Variants in GRIK2 observed in about 807,000 individuals in gnomAD.
GRIK2 encodes the protein glutamate receptor ionotropic, kainate 2.
A neutral mutation model predicts 100.3 loss-of-function variants in GRIK2; 32 were observed. The observed-to-expected ratio is 0.32, with a 90% CI of 0.24 to 0.43. The LOEUF is 0.43. Ranked by LOEUF, GRIK2 falls within the 20% of genes least tolerant of loss-of-function variation. GRIK2 has a pLI of 1.00. For missense variants in GRIK2, 843 were observed against 1,114.9 expected, an observed-to-expected ratio of 0.76 and a Z score of 3.47; for synonymous variants, 417 against 389.4, an observed-to-expected ratio of 1.07 and a Z score of -0.83.
At chr6:101,425,159 A>G (rs1351579402) in intron 2 of GRIK2, among the ~76,000 whole-genome samples, 2 of 152,214 alleles carry the variant, frequency 1.3e-5, no homozygotes, top group Admixed American at 1.3e-4. Context: ...AGCATGTTTT[A>G]TAATCCTCTT....
intron 2 of GRIK2, among the ~76,000 whole-genome samples, chr6:101,620,583 G>A (rs907376441): frequency 1.3e-5 from 2 of 152,108 alleles, no homozygotes; most frequent in African/African-American, 4.8e-5. Flanking sequence ...TAATAGTATA[G>A]TCACCTGACA....
chr6:101,419,693 G>T (rs1582407693), intron 2 of GRIK2, among the ~76,000 whole-genome samples: 1 of 152,336 alleles, frequency 6.6e-6, no homozygotes, highest in East Asian at 1.9e-4. Flanking sequence ...GCTGAGAGAG[G>T]TTAAGTAATT....
Position 101,490,900 on chromosome 6 carries a change from C to T in GRIK2, c.115+91508C>T, listed in dbSNP as rs552236343. On this transcript the variant is annotated intron_variant, in intron 2 of 16. Transcript: ENST00000369134. ...TTTTCATTTCTGGTAATAAGGCAAA[C>T]TGGATGATGGAGGGAATAACAGACA... Among the ~76,000 whole-genome samples the T allele has an allele frequency of 1.4e-5, 2 of 145,952 alleles. 1 individual carries two copies. Among genetic ancestry groups the T allele is most frequent in the Non-Finnish European group, 3.0e-5 (2 of 66,364 alleles).
At chr6:101,677,367 G>A (rs189445941) in intron 5 of GRIK2, among the ~76,000 whole-genome samples, 108 of 152,186 alleles carry the variant, frequency 7.1e-4, no homozygotes, top group African/African-American at 2.5e-3. Flanking sequence ...ACCTAATGAT[G>A]TTAACAAGTA....
At chr6:102,010,928 C>T (rs771908259) in intron 14 of GRIK2, among the ~76,000 whole-genome samples, 2 of 152,000 alleles carry the variant, frequency 1.3e-5, no homozygotes, top group African/African-American at 2.4e-5. Context: ...TATTTATCCA[C>T]CCATCTCATG....
At chr6:101,875,465 G>C (rs1377411836) in intron 11 of GRIK2, among the ~76,000 whole-genome samples, 1 of 151,636 alleles carries the variant, frequency 6.6e-6, no homozygotes. Flanking sequence ...AGCCAAAACA[G>C]AAATGTCTCA....
intron 2 of GRIK2, among the ~76,000 whole-genome samples, chr6:101,492,247 T>C (rs1463327813): frequency 6.6e-6 from 1 of 151,578 alleles, no homozygotes; most frequent in Admixed American, 6.6e-5. Flanking sequence ...TATTGAGACT[T>C]CATATTCATT....
intron 4 of GRIK2, among the ~76,000 whole-genome samples, chr6:101,627,006 T>G (rs1780472477): frequency 6.6e-6 from 1 of 151,852 alleles, no homozygotes; most frequent in Non-Finnish European, 1.5e-5. Flanking sequence ...AGAATTCCAG[T>G]CATTTAAAAA....
intron 2 of GRIK2, among the ~76,000 whole-genome samples, chr6:101,607,646 GA>G (rs1779495686): frequency 6.6e-6 from 1 of 151,892 alleles, no homozygotes; most frequent in Non-Finnish European, 1.5e-5. Context: ...AGAAGCTACA[GA>G]AAAGTGTCTA....
rs202110985 is a variant in GRIK2 at position 101,744,019 on chromosome 6, T to TG, written c.952-55628dup. Among the ~76,000 whole-genome samples, 496 of 152,148 alleles carry TG rather than the reference T, an allele frequency of 3.3e-3. 4 individuals carry two copies. Among genetic ancestry groups the TG allele is most frequent in the African/African-American group, 0.01 (424 of 41,528 alleles). ...GTGCAGTGGCATGATCTCGGCTCACTGAAAGCTCCACCTCCCAGGTTCACA... is the reference window on the plus strand; with the variant it reads ...GTGCAGTGGCATGATCTCGGCTCACTGGAAAGCTCCACCTCCCAGGTTCACA... On this transcript the variant is annotated intron_variant, in intron 7 of 16. Transcript: ENST00000369134.
At chr6:101,458,595 T>C (rs1771132051) in intron 2 of GRIK2, among the ~76,000 whole-genome samples, 1 of 152,104 alleles carries the variant, frequency 6.6e-6, no homozygotes, top group African/African-American at 2.4e-5. Flanking sequence ...GATACAAAAC[T>C]CCATCTGGGG....
At chr6:101,523,545 C>T (rs772292163) in intron 2 of GRIK2, among the ~76,000 whole-genome samples, 24 of 152,050 alleles carry the variant, frequency 1.6e-4, no homozygotes, top group Admixed American at 7.9e-4. Context: ...TGATCTGGGC[C>T]GTAAATGCTT....
At chr6:101,438,954 A>T (rs539196978) in intron 2 of GRIK2, among the ~76,000 whole-genome samples, 1 of 152,294 alleles carries the variant, frequency 6.6e-6, no homozygotes, top group Admixed American at 6.5e-5. Flanking sequence ...ATAAGTGTAT[A>T]GAACTAATGA....
chr6:101,731,979 C>G (rs1775304426), intron 7 of GRIK2, among the ~76,000 whole-genome samples: 1 of 152,020 alleles, frequency 6.6e-6, no homozygotes, highest in Non-Finnish European at 1.5e-5. Flanking sequence ...ACCATAATAA[C>G]ACTCATTTCA....
chr6:101,894,749 A>G (rs752006137), intron 12 of GRIK2, among the ~76,000 whole-genome samples: 2 of 151,746 alleles, frequency 1.3e-5, no homozygotes, highest in East Asian at 1.9e-4. Context: ...TGTTTATAAA[A>G]TGACTCCATT....
intron 4 of GRIK2, among the ~76,000 whole-genome samples, chr6:101,643,575 T>G (rs1293493913): frequency 6.6e-6 from 1 of 151,754 alleles, no homozygotes; most frequent in Non-Finnish European, 1.5e-5. Flanking sequence ...GCTCTCTATT[T>G]TATTCCATTG....
chr6:101,976,470 G>C (rs974995796), intron 14 of GRIK2, among the ~76,000 whole-genome samples: 11 of 151,952 alleles, frequency 7.2e-5, no homozygotes, highest in Non-Finnish European at 1.3e-4. Flanking sequence ...CCTGAGGAGA[G>C]AAGATCACTT....
chr6:101,546,822 T>TTC (rs1347734462), intron 2 of GRIK2, among the ~76,000 whole-genome samples: 5 of 76,982 alleles, frequency 6.5e-5, no homozygotes, highest in African/African-American at 3.0e-4. Context: ...TTTGTTTCTT[T>TTC]TTTTTTTTTT....
At chr6:101,642,543 C>G (rs1275678585) in intron 4 of GRIK2, among the ~76,000 whole-genome samples, 1 of 151,618 alleles carries the variant, frequency 6.6e-6, no homozygotes, top group Non-Finnish European at 1.5e-5. Context: ...CAAGGTTCAT[C>G]GATGTTGCTG....
Sources: gnomAD v4.1 joint callset for allele counts (sites outside exome capture counted in the v4.1 genomes callset) on GRCh38, gnomAD v4.1.1 for gene constraint, MANE v1.5 for transcripts, NCBI Gene and HGNC (gene_info 2026-07-23, HGNC 2026-07-21) for gene names.